EXD3: variants seen among roughly 807,000 people sequenced by gnomAD.
The protein encoded by EXD3 is exonuclease 3'-5' domain containing 3.
In EXD3, 92 loss-of-function variants were observed where a neutral mutation model predicts 98.0. The ratio of observed to expected loss-of-function variants is 0.94; its 90% CI spans 0.79 to 1.12. The LOEUF (loss-of-function observed/expected upper bound fraction) is 1.12, where lower values mean the gene tolerates loss of function less well. Ranked by LOEUF, EXD3 falls within the 50% of genes most tolerant of loss-of-function variation. The pLI is 0.00. For missense variants in EXD3, 1,222 were observed against 1,191.6 expected (o/e 1.03, Z -0.38); for synonymous variants, 569 against 526.0 (o/e 1.08, Z -1.12).
intron 17 of EXD3, among the ~76,000 whole-genome samples, chr9:137,328,881 A>G (rs139691755): frequency 0.14 from 1,943 of 14,072 alleles, 221 homozygotes; most frequent in East Asian, 0.62. Context: ...ACTACACGGG[A>G]CTACACGGGG....
In EXD3 at chr9:137,306,961, T is replaced by C; in HGVS notation, c.2620A>G (p.Ser874Gly). The C allele has an allele frequency of 6.3e-7, 1 of 1,580,706 alleles. No individual in the cohort carries two copies. Among genetic ancestry groups the C allele is most frequent in the South Asian group, 1.2e-5 (1 of 86,102 alleles). ...TTGTCTGGCTGTCCTCAGAAGGGAC[T>C]GCTGGCCGGGCTGGGGGCTGGGCTC... is the stretch of plus-strand genomic sequence containing the variant. ...EPSPAPSPAS[S>G]PF is the part of the protein sequence containing the mutation. The change falls in exon 22 of 22, where the codon AGT (serine) becomes GGT (glycine). Residue 874 changes from serine (S) to glycine (G), a missense_variant. By Grantham distance (56) the Ser-to-Gly change is moderately conservative. Coordinates refer to ENST00000340951, the MANE Select transcript of EXD3 (RefSeq NM_017820.5).
chr9:137,356,578 A>G (rs1173750240), intron 7 of EXD3, among the ~76,000 whole-genome samples: 1 of 152,184 alleles, frequency 6.6e-6, no homozygotes, highest in African/African-American at 2.4e-5. Context: ...ACATTTCCAG[A>G]TAACATCCTT....
intron 19 of EXD3, among the ~76,000 whole-genome samples, chr9:137,311,314 G>A (rs1287123622): frequency 6.6e-6 from 1 of 152,228 alleles, no homozygotes; most frequent in Non-Finnish European, 1.5e-5. Flanking sequence ...CAGGTGTGTG[G>A]GTGGAGAGCC....
At chr9:137,342,876 C>T (rs1391780566) in intron 17 of EXD3, among the ~76,000 whole-genome samples, 1 of 152,188 alleles carries the variant, frequency 6.6e-6, no homozygotes, top group Non-Finnish European at 1.5e-5. Context: ...AATCCCAGCA[C>T]TTTGGGAGGC....
chr9:137,334,640 A>C (rs1216644223), intron 17 of EXD3, among the ~76,000 whole-genome samples: 2 of 152,220 alleles, frequency 1.3e-5, no homozygotes, highest in Non-Finnish European at 2.9e-5. Context: ...CTAGAAGGAA[A>C]TCTAGGAAAG....
chr9:137,404,079 G>T (rs971708510), intron 1 of EXD3, among the ~76,000 whole-genome samples: 1 of 152,128 alleles, frequency 6.6e-6, no homozygotes, highest in Non-Finnish European at 1.5e-5. Flanking sequence ...GGGTCCTCAC[G>T]GGTCCCCCCA....
chr9:137,406,491 G>A (rs1171614031), intron 1 of EXD3, among the ~76,000 whole-genome samples: 1 of 152,044 alleles, frequency 6.6e-6, no homozygotes, highest in Non-Finnish European at 1.5e-5. Flanking sequence ...TGTTTGTCTT[G>A]TCCCAAACGG....
At chr9:137,319,564 A>G (rs1289864143) in intron 19 of EXD3, among the ~76,000 whole-genome samples, 1 of 152,120 alleles carries the variant, frequency 6.6e-6, no homozygotes, top group African/African-American at 2.4e-5. Context: ...CCTAGGAAGA[A>G]CTTTCTAGAG....
At chr9:137,392,692 G>T in intron 2 of EXD3, 1 of 343,878 alleles carries the variant, frequency 2.9e-6, no homozygotes, top group South Asian at 2.3e-5. Flanking sequence ...AGGGGGTGCT[G>T]TGTCTGTTCT....
chr9:137,336,802 G>A (rs1416548219), intron 17 of EXD3, among the ~76,000 whole-genome samples: 1 of 150,572 alleles, frequency 6.6e-6, no homozygotes, highest in Non-Finnish European at 1.5e-5. Context: ...AAAATAGAAT[G>A]AAGGTAAAAA....
At position 137,377,488 on chromosome 9, in the gene EXD3, C is replaced by T. The variant is rs1438433789; in HGVS notation, c.121-3889G>A. ...GGGAAAGGCAGATTTCAAAAAGGAC[C>T]TAAGGCTGGGTGTGGTGGCTCATGC... On this transcript the variant is annotated intron_variant, in intron 3 of 21. Coordinates refer to ENST00000340951, the MANE Select transcript of EXD3 (RefSeq NM_017820.5). 2.7e-5 allele frequency among the ~76,000 whole-genome samples: 4 copies of T among 148,904 alleles called. No individual in the cohort carries two copies. The Admixed American group carries it at 2.7e-4, about 10-fold the overall frequency.
intron 10 of EXD3, 163 bp downstream of exon 10, chr9:137,354,176 C>A (rs113394066): frequency 2.1e-6 from 3 of 1,451,548 alleles, no homozygotes; most frequent in Non-Finnish European, 2.7e-6. Flanking sequence ...CCTGAGGACC[C>A]TACACCCGCC....
At chr9:137,327,826 A>T (rs59490519) in intron 17 of EXD3, among the ~76,000 whole-genome samples, 12 of 43,820 alleles carry the variant, frequency 2.7e-4, no homozygotes, top group Non-Finnish European at 2.4e-4. Context: ...ACTAATATAC[A>T]CCCATATGAT....
chr9:137,306,958 G>A lies in EXD3; in HGVS notation c.2623C>T (p.Pro875Ser). The change falls in exon 22 of 22, where the codon CCC becomes TCC. Residue 875 changes from proline to serine, a missense_variant. Coordinates refer to ENST00000340951, the MANE Select transcript of EXD3 (RefSeq NM_017820.5). Reference protein sequence around the residue: ...PSPAPSPASSPF With the variant: ...PSPAPSPASSSF ...TTATTGTCTGGCTGTCCTCAGAAGG[G>A]ACTGCTGGCCGGGCTGGGGGCTGGG... is the stretch of plus-strand genomic sequence containing the variant. The A allele has an allele frequency of 6.3e-7, 1 of 1,578,210 alleles. No individual in the cohort carries two copies. The highest frequency in any genetic ancestry group is 8.6e-7 in the Non-Finnish European group (1 of 1,160,460).
At chr9:137,338,892 C>CAAAA (rs766408966) in intron 17 of EXD3, among the ~76,000 whole-genome samples, 776 of 63,558 alleles carry the variant, frequency 0.012, 7 homozygotes, top group African/African-American at 0.033. Context: ...GACTCCATCT[C>CAAAA]AAAAAAAAAA....
At position 137,393,854 on chromosome 9, in the gene EXD3, C is replaced by A. The variant is rs1002744891; in HGVS notation, c.55+1449G>T. Among the ~76,000 whole-genome samples, 1 of 152,164 alleles carries A rather than the reference C, an allele frequency of 6.6e-6. No homozygotes were observed. The highest frequency in any genetic ancestry group is 6.5e-5 in the Admixed American group (1 of 15,284). ...CAGTAAACCCACAACAAACTGAGGG[C>A]CTGCAGCCCAGGGCGAGGCGGCTGG... is the stretch of plus-strand genomic sequence containing the variant. On this transcript the variant is annotated intron_variant, in intron 2 of 21. Coordinates refer to ENST00000340951, the MANE Select transcript of EXD3 (RefSeq NM_017820.5). The surrounding 1 kb of genome is among the most constrained non-coding windows in gnomAD (Gnocchi z 4.6).
At chr9:137,415,883 G>A (rs1176810277) in intron 1 of EXD3, among the ~76,000 whole-genome samples, 1 of 152,198 alleles carries the variant, frequency 6.6e-6, no homozygotes, top group African/African-American at 2.4e-5. Flanking sequence ...TTGCCCTAAG[G>A]GGATCACGCT....
intron 17 of EXD3, among the ~76,000 whole-genome samples, chr9:137,330,121 A>C (rs1213972553): frequency 1.6e-4 from 19 of 117,614 alleles, no homozygotes; most frequent in Admixed American, 2.4e-4. Context: ...CACAGGAGCT[A>C]CACAGGAGCT....
Position 137,371,334 on chromosome 9 carries a change from G to A in EXD3, c.462+1571C>T, listed in dbSNP as rs1183145478. 2.0e-5 allele frequency among the ~76,000 whole-genome samples: 3 copies of A among 152,182 alleles called. No individual in the cohort carries two copies. Among genetic ancestry groups the A allele is most frequent in the Non-Finnish European group, 2.9e-5 (2 of 68,006 alleles). On this transcript the variant is annotated intron_variant, in intron 5 of 21. Coordinates refer to ENST00000340951, the MANE Select transcript of EXD3 (RefSeq NM_017820.5). This position sits in a 1 kb window ranked among gnomAD's most constrained non-coding sequence, Gnocchi z 8.0. Reference sequence around the variant, plus strand: ...GGCTTCTCAGCGCCATGCACCCGCCGCGAGACGACGGCCCCGGGCGTGGCA... The same window carrying A: ...GGCTTCTCAGCGCCATGCACCCGCCACGAGACGACGGCCCCGGGCGTGGCA...
Sources: gnomAD v4.1 joint callset for allele counts (sites outside exome capture counted in the v4.1 genomes callset) on GRCh38, gnomAD v4.1.1 for gene constraint, Gnocchi (gnomAD v3.1) non-coding constraint, MANE v1.5 for transcripts, NCBI Gene and HGNC (gene_info 2026-07-23, HGNC 2026-07-21) for gene names.